PXDN: variants seen among roughly 807,000 people sequenced by gnomAD.
The protein encoded by PXDN is peroxidasin.
Under a neutral mutation model 140.3 loss-of-function variants are expected in PXDN, and 77 were observed. The observed-to-expected ratio is 0.55, with a 90% CI of 0.46 to 0.66. PXDN has a LOEUF of 0.66. Ranked by LOEUF, PXDN falls within the 30% of genes least tolerant of loss-of-function variation. PXDN has a pLI of 0.00. For synonymous variants in PXDN, 911 were observed against 857.4 expected (o/e 1.06, Z -1.09); for missense variants, 1,838 against 2,039.5 (o/e 0.90, Z 1.90).
chr2:1,703,484 G>A (rs1193664553), intron 1 of PXDN, among the ~76,000 whole-genome samples: 1 of 42,532 alleles, frequency 2.4e-5, no homozygotes, highest in Admixed American at 2.1e-4. Flanking sequence ...GGTGAAGGGG[G>A]GGCAACTCCA....
intron 9 of PXDN, among the ~76,000 whole-genome samples, chr2:1,671,888 G>A (rs1184422963): frequency 1.3e-5 from 2 of 152,260 alleles, no homozygotes; most frequent in Non-Finnish European, 2.9e-5. Context: ...ACATTGTGCA[G>A]AAGAATGGGT....
At position 1,744,274 on chromosome 2, in the gene PXDN, G is replaced by A; in HGVS notation, c.182C>T (p.Ala61Val). ...CACTCACAGGATGGAGGTCTGCGGC[G>A]CCACGGCGGGCACGGCCTCCAGCAG... ...HLLLEAVPAV[A>V]PQTSILDLRF... The change falls in exon 1 of 23, where the codon GCG (alanine) becomes GTG (valine). Residue 61 changes from alanine (A) to valine (V), a missense_variant. Coordinates refer to ENST00000252804, the MANE Select transcript of PXDN (RefSeq NM_012293.3). 1 of 1,518,400 alleles carries A rather than the reference G, an allele frequency of 6.6e-7. No individual in the cohort carries two copies. Among genetic ancestry groups the A allele is most frequent in the Non-Finnish European group, 8.8e-7 (1 of 1,139,192 alleles). 94.1% of individuals were successfully genotyped at this position (1,518,400 alleles called of 1,614,324 possible).
At chr2:1,670,761 G>A (rs1378071391) in intron 9 of PXDN, among the ~76,000 whole-genome samples, 1 of 152,180 alleles carries the variant, frequency 6.6e-6, no homozygotes, top group Non-Finnish European at 1.5e-5. Context: ...ACAGGCCCAT[G>A]AAGAGAAGTC....
intron 1 of PXDN, among the ~76,000 whole-genome samples, chr2:1,727,745 C>T (rs1685222527): frequency 6.6e-6 from 1 of 152,218 alleles, no homozygotes; most frequent in South Asian, 2.1e-4. Flanking sequence ...ATCTCCATCC[C>T]CAGCACCTGC....
At chr2:1,658,836 C>T (rs2125421147) in intron 14 of PXDN, among the ~76,000 whole-genome samples, 1 of 149,410 alleles carries the variant, frequency 6.7e-6, no homozygotes, top group South Asian at 2.2e-4. Flanking sequence ...CACCCCCCAT[C>T]TCCCCGCGGC....
In PXDN at chr2:1,685,995, T is replaced by G. The variant is rs1252013727; in HGVS notation, c.416+1637A>C. On this transcript the variant is annotated intron_variant, in intron 4 of 22. Transcript: ENST00000252804. The surrounding 1 kb of genome is among the most constrained non-coding windows in gnomAD (Gnocchi z 5.1). ...TGGATCAGGGACACTCAGATCCCCC[T>G]GGACTGCATCCGGGCTCCCGGGCAT... Among the ~76,000 whole-genome samples the G allele has an allele frequency of 2.6e-5, 4 of 152,242 alleles. No homozygotes were observed. The East Asian group carries it at 7.7e-4, about 29-fold the overall frequency.
At chr2:1,681,887 C>G (rs1683916302) in intron 6 of PXDN, among the ~76,000 whole-genome samples, 1 of 152,234 alleles carries the variant, frequency 6.6e-6, no homozygotes, top group Non-Finnish European at 1.5e-5. Context: ...GACCCCCAAC[C>G]TTCATCTGCT....
At chr2:1,735,262 AC>A (rs926498276) in intron 1 of PXDN, among the ~76,000 whole-genome samples, 9 of 151,932 alleles carry the variant, frequency 5.9e-5, no homozygotes, top group Admixed American at 4.6e-4. Flanking sequence ...TGATGTTTTG[AC>A]CCCCCCATGA....
rs1367482387 is a variant in PXDN at position 1,633,183 on chromosome 2, T to TA, written c.*1020_*1021insT. The TA allele has an allele frequency of 1.3e-5, 2 of 151,142 alleles. No individual in the cohort carries two copies. The highest frequency in any genetic ancestry group is 2.4e-5 in the African/African-American group (1 of 41,052). 9.4% of individuals were successfully genotyped at this position (151,142 alleles called of 1,614,324 possible). A position where few individuals can be genotyped will look rare whatever the true frequency, so the allele number is the denominator to read the frequency against. On this transcript the variant is annotated 3_prime_UTR_variant, in exon 23 of 23. Coordinates refer to ENST00000252804, the MANE Select transcript of PXDN (RefSeq NM_012293.3). ...TAGGGATTCTTTTTTTTTTTTTTTT[T>TA]TAACGCACTCACACAACCTGAAGTT...
chr2:1,686,760 T>C (rs11676377), intron 4 of PXDN, among the ~76,000 whole-genome samples: 37,304 of 152,142 alleles, frequency 0.25, 4,873 homozygotes, highest in Middle Eastern at 0.31. Context: ...GTCCTCAGGA[T>C]GCACAATCCC....
chr2:1,725,821 G>GA (rs1249263340), intron 1 of PXDN, among the ~76,000 whole-genome samples: 1 of 152,138 alleles, frequency 6.6e-6, no homozygotes, highest in African/African-American at 2.4e-5. Flanking sequence ...AAAAACACAT[G>GA]AAAAAATGTT....
chr2:1,705,382 AGGGTGCAG>A (rs1684572691), intron 1 of PXDN, among the ~76,000 whole-genome samples: 1 of 151,914 alleles, frequency 6.6e-6, no homozygotes. Context: ...CCTGGGATGC[AGGGTGCAG>A]GGTGCAGCTC....
rs776692929 is a variant in PXDN, at chr2:1,649,347, G to T, written c.2433C>A (p.Asp811Glu). The T allele has an allele frequency of 1.2e-6, 2 of 1,613,896 alleles. No homozygotes were observed. The highest frequency in any genetic ancestry group is 1.7e-6 in the Non-Finnish European group (2 of 1,179,872). ...GCATCAGCATGTGGGTGAACTGCTC[G>T]TCGGGTGTGACGGTCTCCGTCCCGA... The part of the protein sequence containing the change: ...TLIGTETVTP[D>E]EQFTHMLMQW... The change falls in exon 17 of 23, where the codon GAC becomes GAA. Residue 811 changes from aspartate (D) to glutamate (E), a missense_variant. This residue lies in a region of PXDN where 537 missense variants were observed against 583.9 expected (regional missense o/e 0.92). Transcript: ENST00000252804. This position sits in a 1 kb window ranked among gnomAD's most constrained non-coding sequence, Gnocchi z 7.1.
Position 1,644,609 on chromosome 2 carries a change from C to G in PXDN, c.3743+9G>C. On this transcript the variant is annotated intron_variant, in intron 18 of 22. Coordinates refer to ENST00000252804, the MANE Select transcript of PXDN (RefSeq NM_012293.3). ...GGAGCGTGCTCCCCTTTCTGGTGCACGTGCTCACCTGTCCCCATCTCGCAG... is the reference window on the plus strand; with the variant it reads ...GGAGCGTGCTCCCCTTTCTGGTGCAGGTGCTCACCTGTCCCCATCTCGCAG... 6.3e-7 allele frequency: 1 copy of G among 1,585,032 alleles called. No individual in the cohort carries two copies. The highest frequency in any genetic ancestry group is 8.6e-7 in the Non-Finnish European group (1 of 1,162,106).
intron 1 of PXDN, among the ~76,000 whole-genome samples, chr2:1,702,807 T>C (rs1292984896): frequency 5.9e-5 from 9 of 152,054 alleles, no homozygotes; most frequent in Admixed American, 5.2e-4. Flanking sequence ...TTTTTGTATT[T>C]TTAGAGATGA....
chr2:1,731,739 C>G (rs1246605963), intron 1 of PXDN, among the ~76,000 whole-genome samples: 1 of 152,168 alleles, frequency 6.6e-6, no homozygotes, highest in African/African-American at 2.4e-5. Flanking sequence ...AGCTGAGCCT[C>G]CAGTGAAGAG....
At position 1,649,700 on chromosome 2, in the gene PXDN, G is replaced by A. The variant is rs772806706; in HGVS notation, c.2105-25C>T. On this transcript the variant is annotated intron_variant, in intron 16 of 22. Coordinates refer to ENST00000252804, the MANE Select transcript of PXDN (RefSeq NM_012293.3). The surrounding 1 kb of genome is among the most constrained non-coding windows in gnomAD (Gnocchi z 7.1). Reference sequence around the variant, plus strand: ...CCTGGGACGTGGAGAAAAGCAAGACGCACTCAATTCCCCTGGAGGATGTGT... The same window carrying A: ...CCTGGGACGTGGAGAAAAGCAAGACACACTCAATTCCCCTGGAGGATGTGT... 3.0e-5 allele frequency: 49 copies of A among 1,611,466 alleles called. No individual in the cohort carries two copies. The highest frequency in any genetic ancestry group is 1.3e-4 in the East Asian group (6 of 44,852).
In PXDN at chr2:1,687,494, A is replaced by G. The variant is rs1246544646; in HGVS notation, c.416+138T>C. On this transcript the variant is annotated intron_variant, in intron 4 of 22. Coordinates refer to ENST00000252804, the MANE Select transcript of PXDN (RefSeq NM_012293.3). The surrounding 1 kb of genome is among the most constrained non-coding windows in gnomAD (Gnocchi z 4.0). Reference sequence around the variant, plus strand: ...ACTCGCCCATCCCTGTTTTTCCGTCATCATGCACGTACTCCCCGCACCTCA... The same window carrying G: ...ACTCGCCCATCCCTGTTTTTCCGTCGTCATGCACGTACTCCCCGCACCTCA... 2 of 553,958 alleles carry G rather than the reference A, an allele frequency of 3.6e-6. No individual in the cohort carries two copies. Among genetic ancestry groups the G allele is most frequent in the Non-Finnish European group, 5.8e-6 (2 of 346,506 alleles). The allele number at this position is 553,958 out of a possible 1,614,324, so 34.3% of individuals were successfully genotyped here.
chr2:1,672,513 T>C (rs971287976), intron 9 of PXDN, among the ~76,000 whole-genome samples: 1 of 152,246 alleles, frequency 6.6e-6, no homozygotes, highest in Non-Finnish European at 1.5e-5. Flanking sequence ...TTAACTTCTC[T>C]GCACAGGCCC....
Sources: gnomAD v4.1 joint callset for allele counts (sites outside exome capture counted in the v4.1 genomes callset) on GRCh38, gnomAD v4.1.1 for gene constraint, gnomAD v4.1.1 regional missense constraint, Gnocchi (gnomAD v3.1) non-coding constraint, MANE v1.5 for transcripts, NCBI Gene and HGNC (gene_info 2026-07-23, HGNC 2026-07-21) for gene names.